The following MAGI1 variants were observed in gnomAD, a reference collection of about 807,000 sequenced individuals.
The protein encoded by MAGI1 is membrane associated guanylate kinase, WW and PDZ domain containing 1.
MAGI1 carries 58 observed loss-of-function variants against 139.9 expected under a neutral mutation model. The ratio of observed to expected loss-of-function variants is 0.41; its 90% CI spans 0.34 to 0.52. The LOEUF (loss-of-function observed/expected upper bound fraction) is 0.52, where lower values mean the gene tolerates loss of function less well. Among genes scored for constraint, MAGI1 ranks in the 20% least tolerant of loss-of-function variants. The probability of loss-of-function intolerance (pLI) is 0.12; values close to 1 mark genes in which losing one functional copy is unlikely to be tolerated. For missense variants in MAGI1, 1,874 were observed against 1,901.6 expected, an observed-to-expected ratio of 0.99 and a Z score of 0.27; for synonymous variants, 812 against 737.9, an observed-to-expected ratio of 1.10 and a Z score of -1.63.
intron 1 of MAGI1, among the ~76,000 whole-genome samples, chr3:65,914,916 C>A (rs1461247299): frequency 6.6e-6 from 1 of 152,060 alleles, no homozygotes; most frequent in Non-Finnish European, 1.5e-5. Flanking sequence ...ATAATAGCAC[C>A]CCCTTGGGAT....
At chr3:65,438,415 G>A (rs1374417944) in intron 9 of MAGI1, among the ~76,000 whole-genome samples, 1 of 152,052 alleles carries the variant, frequency 6.6e-6, no homozygotes, top group African/African-American at 2.4e-5. Context: ...TTACTTAATG[G>A]GTACAATGTA....
intron 10 of MAGI1, among the ~76,000 whole-genome samples, chr3:65,435,584 T>C (rs1947793132): frequency 6.6e-6 from 1 of 152,162 alleles, no homozygotes; most frequent in Admixed American, 6.6e-5. Flanking sequence ...TTTGGGATTA[T>C]CTCACAGTGA....
intron 1 of MAGI1, among the ~76,000 whole-genome samples, chr3:65,937,133 G>A (rs1304469745): frequency 1.3e-5 from 2 of 152,132 alleles, no homozygotes; most frequent in East Asian, 3.9e-4. Context: ...TCTCATCAGG[G>A]AAATAAACTA....
intron 1 of MAGI1, among the ~76,000 whole-genome samples, chr3:66,009,833 G>A (rs2067228704): frequency 6.6e-6 from 1 of 151,962 alleles, no homozygotes; most frequent in Non-Finnish European, 1.5e-5. Context: ...TTGGGAGGCC[G>A]AGATAGGTGA....
chr3:65,434,894 T>C (rs1340789521), intron 10 of MAGI1, among the ~76,000 whole-genome samples: 1 of 152,188 alleles, frequency 6.6e-6, no homozygotes, highest in African/African-American at 2.4e-5. Flanking sequence ...TCAGACACTA[T>C]TGAATGGTAT....
chr3:65,951,245 C>T (rs754522028), intron 1 of MAGI1, among the ~76,000 whole-genome samples: 1 of 152,140 alleles, frequency 6.6e-6, no homozygotes, highest in Non-Finnish European at 1.5e-5. Flanking sequence ...ATATGGTAAC[C>T]CCCAGCAGAC....
chr3:65,377,068 G>T (rs1434860094), intron 17 of MAGI1, among the ~76,000 whole-genome samples: 2 of 152,128 alleles, frequency 1.3e-5, no homozygotes, highest in Non-Finnish European at 2.9e-5. Flanking sequence ...TTTTGGAAAG[G>T]GTGACAAATA....
chr3:65,643,345 G>A (rs1306785839), intron 1 of MAGI1, among the ~76,000 whole-genome samples: 1 of 152,152 alleles, frequency 6.6e-6, no homozygotes, highest in Non-Finnish European at 1.5e-5. Flanking sequence ...TTGTTAGTAA[G>A]TGTTCTGGAT....
chr3:65,977,979 G>C (rs1006581399), intron 1 of MAGI1, among the ~76,000 whole-genome samples: 2 of 152,106 alleles, frequency 1.3e-5, no homozygotes, highest in Admixed American at 1.3e-4. Flanking sequence ...GGCCTTCCCT[G>C]ACCAGTGCAT....
At chr3:65,483,673 C>A (rs1406505131) in intron 3 of MAGI1, among the ~76,000 whole-genome samples, 3 of 152,204 alleles carry the variant, frequency 2.0e-5, no homozygotes, top group Non-Finnish European at 1.5e-5. Context: ...GGCTGGGCTC[C>A]CTCCCAAGTG....
At chr3:65,781,958 T>A (rs2038971376) in intron 1 of MAGI1, among the ~76,000 whole-genome samples, 1 of 152,036 alleles carries the variant, frequency 6.6e-6, no homozygotes, top group Non-Finnish European at 1.5e-5. Context: ...AACAGAGGGG[T>A]CTCCTGAGCA....
rs542893944 is a variant in MAGI1, at chr3:65,841,490, C to T, written c.313+196506G>A. 1.8e-4 allele frequency among the ~76,000 whole-genome samples: 27 copies of T among 150,926 alleles called. 2 individuals are homozygous for T. Among genetic ancestry groups the T allele is most frequent in the African/African-American group, 6.3e-4 (26 of 41,032 alleles). On this transcript the variant is annotated intron_variant, in intron 1 of 22. Coordinates refer to ENST00000402939, the MANE Select transcript of MAGI1 (RefSeq NM_001033057.2). ...AGATGCAGGATGGAGTACAGTGGTG[C>T]GATCTTAGCTCACCACAACCTCCGC...
chr3:65,843,987 A>T, intron 1 of MAGI1: 1 of 274,150 alleles, frequency 3.6e-6, no homozygotes, highest in Non-Finnish European at 7.1e-6. Flanking sequence ...CTGTGGAACC[A>T]CCCAGGCCAT....
chr3:65,851,418 G>A (rs1439796372), intron 1 of MAGI1, among the ~76,000 whole-genome samples: 3 of 152,072 alleles, frequency 2.0e-5, no homozygotes, highest in Non-Finnish European at 4.4e-5. Context: ...GATGGGCACT[G>A]GTGATGGAGT....
chr3:65,422,018 CAAAA>C (rs1383762391), intron 12 of MAGI1, among the ~76,000 whole-genome samples: 1 of 152,052 alleles, frequency 6.6e-6, no homozygotes, highest in African/African-American at 2.4e-5. Context: ...TGTATAAAAA[CAAAA>C]GAAAGGGTAA....
intron 2 of MAGI1, among the ~76,000 whole-genome samples, chr3:65,619,322 G>A (rs928387808): frequency 1.3e-5 from 2 of 152,148 alleles, no homozygotes; most frequent in Admixed American, 6.6e-5. Flanking sequence ...AGCCGTAAGT[G>A]GTAAAGTGTG....
At position 65,672,640 on chromosome 3, in the gene MAGI1, G is replaced by T. The variant is rs560756406; in HGVS notation, c.314-50552C>A. Among the ~76,000 whole-genome samples, 5 of 152,304 alleles carry T rather than the reference G, an allele frequency of 3.3e-5. No homozygotes were observed. The East Asian group carries it at 9.7e-4, about 29-fold the overall frequency. On this transcript the variant is annotated intron_variant, in intron 1 of 22. Coordinates refer to ENST00000402939, the MANE Select transcript of MAGI1 (RefSeq NM_001033057.2). ...GTCTGTAAGGCACGGAGAAGAAGGA[G>T]AAAATGTCCTGGATTATGAAACCAC... is the stretch of plus-strand genomic sequence containing the variant.
intron 1 of MAGI1, among the ~76,000 whole-genome samples, chr3:65,808,293 G>T (rs2041005500): frequency 6.6e-6 from 1 of 152,022 alleles, no homozygotes; most frequent in African/African-American, 2.4e-5. Context: ...CTGAGGTCAG[G>T]ACTTCTTGAC....
At chr3:65,380,530 CACCA>C (rs1345472252) in intron 16 of MAGI1, among the ~76,000 whole-genome samples, 1 of 152,150 alleles carries the variant, frequency 6.6e-6, no homozygotes, top group African/African-American at 2.4e-5. Flanking sequence ...CTCCACCCCC[CACCA>C]ACCATCATTC....
Sources: allele counts gnomAD v4.1 joint callset (sites outside exome capture counted in the v4.1 genomes callset), GRCh38; gene constraint gnomAD v4.1.1; transcripts MANE v1.5; gene names NCBI Gene and HGNC (gene_info 2026-07-23, HGNC 2026-07-21).